The following KSR2 variants were observed in gnomAD, a reference collection of about 807,000 sequenced individuals.
KSR2 encodes kinase suppressor of ras 2.
A neutral mutation model predicts 107.8 loss-of-function variants in KSR2; 25 were observed. The ratio of observed to expected loss-of-function variants is 0.23; its 90% CI spans 0.17 to 0.32. KSR2 has a LOEUF of 0.32. Ranked by LOEUF, KSR2 falls within the 10% of genes least tolerant of loss-of-function variation. KSR2 has a pLI of 1.00. For missense variants in KSR2, 887 were observed against 1,268.9 expected, an observed-to-expected ratio of 0.70 and a Z score of 4.57; for synonymous variants, 480 against 507.0, an observed-to-expected ratio of 0.95 and a Z score of 0.71.
chr12:117,690,463 G>C (rs1885767459), intron 4 of KSR2, among the ~76,000 whole-genome samples: 1 of 152,206 alleles, frequency 6.6e-6, no homozygotes, highest in East Asian at 1.9e-4. Context: ...TACTTAGGAG[G>C]CTGAGGCAGG....
intron 5 of KSR2, among the ~76,000 whole-genome samples, chr12:117,623,968 C>A (rs1435585640): frequency 6.6e-6 from 1 of 152,204 alleles, no homozygotes; most frequent in Non-Finnish European, 1.5e-5. Context: ...ATTTGCATTT[C>A]TCTGATGGCC....
intron 3 of KSR2, among the ~76,000 whole-genome samples, chr12:117,846,930 G>A (rs1892726475): frequency 6.6e-6 from 1 of 152,220 alleles, no homozygotes; most frequent in South Asian, 2.1e-4. Context: ...CCTGGCAACT[G>A]ACACAGGGGG....
intron 1 of KSR2, among the ~76,000 whole-genome samples, chr12:117,955,338 T>G (rs1445899085): frequency 6.6e-6 from 1 of 152,018 alleles, no homozygotes. Flanking sequence ...GTTGCTCAGG[T>G]TGATCTCAAA....
chr12:117,653,463 T>A (rs1452997396), intron 5 of KSR2, among the ~76,000 whole-genome samples: 33 of 152,264 alleles, frequency 2.2e-4, no homozygotes, highest in Admixed American at 1.9e-3. Flanking sequence ...AGAGAGACCT[T>A]GATTGCTTTT....
chr12:117,859,059 G>T (rs546520205), intron 2 of KSR2, among the ~76,000 whole-genome samples: 106 of 151,972 alleles, frequency 7.0e-4, no homozygotes, highest in Middle Eastern at 3.4e-3. Context: ...CTTTGAGAGC[G>T]GACATAAGAT....
At chr12:117,870,653 C>G (rs1893620172) in intron 1 of KSR2, among the ~76,000 whole-genome samples, 1 of 152,080 alleles carries the variant, frequency 6.6e-6, no homozygotes, top group Admixed American at 6.6e-5. Flanking sequence ...ACCCCATACA[C>G]TCATGTCCTA....
At chr12:117,856,628 C>T (rs1045842110) in intron 2 of KSR2, among the ~76,000 whole-genome samples, 4 of 152,138 alleles carry the variant, frequency 2.6e-5, no homozygotes, top group African/African-American at 2.4e-5. Context: ...AGCCACTCAC[C>T]ACCACGCCTG....
At chr12:117,535,517 T>A (rs1875981489) in intron 10 of KSR2, among the ~76,000 whole-genome samples, 1 of 151,748 alleles carries the variant, frequency 6.6e-6, no homozygotes, top group African/African-American at 2.4e-5. Context: ...CCAAGTGAGG[T>A]CTCAGAAATC....
At chr12:117,496,353 G>A (rs578216816) in intron 14 of KSR2, among the ~76,000 whole-genome samples, 51 of 152,330 alleles carry the variant, frequency 3.3e-4, no homozygotes, top group Non-Finnish European at 6.5e-4. Flanking sequence ...GGTCCAGCCT[G>A]GGACCTGCCT....
intron 3 of KSR2, among the ~76,000 whole-genome samples, chr12:117,848,850 A>AACAACAG (rs1555249552): frequency 2.3e-5 from 2 of 87,042 alleles, no homozygotes; most frequent in Non-Finnish European, 6.1e-5. Context: ...GGTGATGGTG[A>AACAACAG]TGATGGTGAT....
At chr12:117,604,400 C>T (rs942999279) in intron 5 of KSR2, among the ~76,000 whole-genome samples, 4 of 152,132 alleles carry the variant, frequency 2.6e-5, no homozygotes, top group East Asian at 1.9e-4. Flanking sequence ...GTTTTCAATT[C>T]GTTTGGGTAC....
intron 4 of KSR2, among the ~76,000 whole-genome samples, chr12:117,705,273 G>A (rs1247912339): frequency 3.9e-5 from 6 of 152,178 alleles, no homozygotes; most frequent in African/African-American, 9.6e-5. Context: ...GGCAACAGAC[G>A]CTCCCAGAGG....
At chr12:117,741,008 A>G (rs1055321662) in intron 4 of KSR2, among the ~76,000 whole-genome samples, 1 of 152,146 alleles carries the variant, frequency 6.6e-6, no homozygotes, top group Admixed American at 6.5e-5. Context: ...TAGCTGCCAT[A>G]CCACTTATTC....
intron 5 of KSR2, among the ~76,000 whole-genome samples, chr12:117,615,977 AC>A (rs1403809986): frequency 6.6e-6 from 1 of 151,976 alleles, no homozygotes; most frequent in Non-Finnish European, 1.5e-5. Flanking sequence ...ATATGGTGAA[AC>A]CCCACCACTA....
rs369383680 is a variant in KSR2, at chr12:117,471,259, T to C, written c.2644A>G (p.Ile882Val). The change falls in exon 18 of 20, where the codon ATA becomes GTA. Residue 882 changes from isoleucine (I) to valine (V), a missense_variant. Coordinates refer to ENST00000339824, the MANE Select transcript of KSR2 (RefSeq NM_173598.6). ...WPFKTQPAEA[I>V]IWQMGTGMKP... is the part of the protein sequence containing the mutation. ...ATGCCTGTGCCCATTTGCCAGATTATTGCCTCTGCTGGTTGGGTCTTGAAA... is the reference window on the plus strand; with the variant it reads ...ATGCCTGTGCCCATTTGCCAGATTACTGCCTCTGCTGGTTGGGTCTTGAAA... The C allele has an allele frequency of 1.2e-6, 2 of 1,613,944 alleles. No individual in the cohort carries two copies. Among genetic ancestry groups the C allele is most frequent in the African/African-American group, 1.3e-5 (1 of 75,034 alleles).
chr12:117,824,726 A>G (rs987785883), intron 3 of KSR2, among the ~76,000 whole-genome samples: 44 of 151,832 alleles, frequency 2.9e-4, no homozygotes, highest in African/African-American at 9.7e-4. Flanking sequence ...GTGTGGTGGC[A>G]GGCGCCTGTA....
chr12:117,515,451 T>C (rs1235806046), intron 14 of KSR2, among the ~76,000 whole-genome samples: 1 of 152,254 alleles, frequency 6.6e-6, no homozygotes, highest in Non-Finnish European at 1.5e-5. Flanking sequence ...ATTCAACAAG[T>C]ATGTATGGAG....
At chr12:117,533,931 C>T (rs527549819) in intron 10 of KSR2, among the ~76,000 whole-genome samples, 1 of 152,130 alleles carries the variant, frequency 6.6e-6, no homozygotes, top group Non-Finnish European at 1.5e-5. Flanking sequence ...AAACATATGA[C>T]CAGAAGAGGA....
intron 4 of KSR2, among the ~76,000 whole-genome samples, chr12:117,756,779 G>A (rs12426888): frequency 0.14 from 20,761 of 152,270 alleles, 1,832 homozygotes; most frequent in East Asian, 0.39. Context: ...TGGAGGCCGG[G>A]TGCAGTGGCT....
Sources: gnomAD v4.1 joint callset for allele counts (sites outside exome capture counted in the v4.1 genomes callset) on GRCh38, gnomAD v4.1.1 for gene constraint, MANE v1.5 for transcripts, NCBI Gene and HGNC (gene_info 2026-07-23, HGNC 2026-07-21) for gene names.